REV3L: variants seen among roughly 807,000 people sequenced by gnomAD.
REV3L encodes REV3 like, DNA directed polymerase zeta catalytic subunit.
Under a neutral mutation model 299.4 loss-of-function variants are expected in REV3L, and 69 were observed. The ratio of observed to expected loss-of-function variants is 0.23; its 90% confidence interval spans 0.19 to 0.28. The LOEUF (loss-of-function observed/expected upper bound fraction) is 0.28. Ranked by LOEUF, REV3L falls within the 10% of genes least tolerant of loss-of-function variation. The pLI is 1.00. For synonymous variants in REV3L, 1,238 were observed against 1,271.4 expected, an observed-to-expected ratio of 0.97 and a Z score of 0.56; for missense variants, 3,128 against 3,693.8, an observed-to-expected ratio of 0.85 and a Z score of 3.97.
chr6:111,380,505 T>C (rs1016321893), intron 10 of REV3L, among the ~76,000 whole-genome samples: 2 of 152,180 alleles, frequency 1.3e-5, no homozygotes, highest in African/African-American at 4.8e-5. Context: ...GTGATCTGCC[T>C]GCCTCGGCCT....
In REV3L at chr6:111,367,184, T is replaced by C; in HGVS notation, c.6604A>G (p.Thr2202Ala). The change falls in exon 14 of 32, where the codon ACA (threonine) becomes GCA (alanine). Residue 2202 changes from threonine (T) to alanine (A), a missense_variant. Coordinates refer to ENST00000368802, the MANE Select transcript of REV3L (RefSeq NM_001372078.1). ...AGAAGTTTTCTCTGTATGATTGGTG[T>C]ACTATGAAAGCAAAGTGATTCACAT... ...GKCESLCFHS[T>A]PIIQRKLLER... The C allele has an allele frequency of 1.9e-6, 3 of 1,613,788 alleles. No individual in the cohort carries two copies. The highest frequency in any genetic ancestry group is 2.5e-6 in the Non-Finnish European group (3 of 1,179,876).
intron 26 of REV3L, among the ~76,000 whole-genome samples, chr6:111,316,240 A>G (rs1417454499): frequency 6.6e-6 from 1 of 151,298 alleles, no homozygotes; most frequent in Non-Finnish European, 1.5e-5. Flanking sequence ...AAAAAAAAAA[A>G]GGTTGGGGAC....
intron 2 of REV3L, among the ~76,000 whole-genome samples, chr6:111,414,103 AG>A (rs1377000386): frequency 6.6e-6 from 1 of 152,162 alleles, no homozygotes; most frequent in Non-Finnish European, 1.5e-5. Context: ...ATAAAAATTA[AG>A]TAAATAAATA....
At chr6:111,483,637 G>T, upstream of REV3L, 1 of 434,490 alleles carries the variant, frequency 2.3e-6, no homozygotes, top group Admixed American at 2.5e-5. Context: ...GAGGAGGCGG[G>T]GGCAGCCGCT....
At position 111,379,976 on chromosome 6, in the gene REV3L, A is replaced by C. The variant is rs1244774765; in HGVS notation, c.1454+6T>G. ...AATAAAACAACTGCAATAACTAAAA[A>C]ATTACCTCTTTTTGGCACAATGTTC... On this transcript the variant is annotated splice_donor_region_variant and intron_variant, in intron 11 of 31. Transcript: ENST00000368802. The C allele has an allele frequency of 1.3e-6, 2 of 1,570,450 alleles. No individual in the cohort carries two copies. The highest frequency in any genetic ancestry group is 2.3e-5 in the South Asian group (2 of 88,066).
At chr6:111,333,684 C>T (rs9384793) in intron 22 of REV3L, among the ~76,000 whole-genome samples, 2,362 of 152,076 alleles carry the variant, frequency 0.016, 39 homozygotes, top group East Asian at 0.075. Context: ...CCATGTTAGC[C>T]AGGCTGGTCT....
chr6:111,359,449 C>G (rs763781231), intron 16 of REV3L, among the ~76,000 whole-genome samples: 1 of 145,752 alleles, frequency 6.9e-6, no homozygotes, highest in Non-Finnish European at 1.5e-5. Context: ...AATTAATTCA[C>G]TACTACTTGA....
At chr6:111,315,680 C>T (rs571242995) in intron 26 of REV3L, 2 of 302,286 alleles carry the variant, frequency 6.6e-6, no homozygotes, top group South Asian at 4.8e-5. Flanking sequence ...TTGTATGGTA[C>T]ACAAGGGGTC....
chr6:111,324,950 C>G (rs552797520), intron 25 of REV3L, among the ~76,000 whole-genome samples: 2 of 151,768 alleles, frequency 1.3e-5, no homozygotes, highest in African/African-American at 2.4e-5. Context: ...CAACCTCTAC[C>G]TCCCGGGTTC....
intron 27 of REV3L, 38 bp downstream of exon 27, chr6:111,315,229 A>G (rs776623128): frequency 1.3e-6 from 2 of 1,482,792 alleles, no homozygotes; most frequent in East Asian, 4.7e-5. Context: ...AAGGTATATG[A>G]ATTTTATATG....
chr6:111,448,914 C>A (rs374305952), intron 1 of REV3L, among the ~76,000 whole-genome samples: 5 of 151,688 alleles, frequency 3.3e-5, no homozygotes, highest in African/African-American at 1.2e-4. Context: ...CTTCCTGCCC[C>A]GGCCTCCCAA....
intron 1 of REV3L, among the ~76,000 whole-genome samples, chr6:111,470,474 T>A (rs1792065626): frequency 6.6e-6 from 1 of 152,192 alleles, no homozygotes; most frequent in African/African-American, 2.4e-5. Context: ...CAGTCCTATT[T>A]TATAGAACTG....
intron 31 of REV3L, among the ~76,000 whole-genome samples, chr6:111,306,746 C>G (rs1772355794): frequency 6.6e-6 from 1 of 152,142 alleles, no homozygotes; most frequent in Non-Finnish European, 1.5e-5. Context: ...ATAAACCTTC[C>G]AAGTTTACTA....
intron 1 of REV3L, among the ~76,000 whole-genome samples, chr6:111,440,905 A>C (rs781018424): frequency 3.3e-5 from 5 of 152,204 alleles, no homozygotes; most frequent in Non-Finnish European, 7.3e-5. Context: ...TCAACACTTA[A>C]AACACTTCAC....
intron 9 of REV3L, 29 bp downstream of exon 9, chr6:111,387,736 T>A (rs369457329): frequency 8.4e-5 from 135 of 1,599,380 alleles, no homozygotes; most frequent in Non-Finnish European, 1.0e-4. Flanking sequence ...GTTCTAGTAG[T>A]TTCTGTATAC....
intron 1 of REV3L, among the ~76,000 whole-genome samples, chr6:111,443,274 G>A (rs766557292): frequency 6.6e-6 from 1 of 151,800 alleles, no homozygotes; most frequent in Non-Finnish European, 1.5e-5. Context: ...TCAGCCTTCC[G>A]AGTAGCTGGG....
intron 12 of REV3L, among the ~76,000 whole-genome samples, chr6:111,377,026 CTG>C (rs1167877354): frequency 6.6e-6 from 1 of 152,130 alleles, no homozygotes; most frequent in African/African-American, 2.4e-5. Flanking sequence ...GGGAAAAATA[CTG>C]TCACTTTAAA....
At chr6:111,307,215 T>C in intron 31 of REV3L, 146 bp downstream of exon 31, 1 of 671,064 alleles carries the variant, frequency 1.5e-6, no homozygotes, top group Non-Finnish European at 2.6e-6. Context: ...TATGATATTT[T>C]TGAGATTTTT....
intron 25 of REV3L, among the ~76,000 whole-genome samples, chr6:111,328,455 C>T (rs1040480923): frequency 6.6e-6 from 1 of 152,088 alleles, no homozygotes; most frequent in African/African-American, 2.4e-5. Flanking sequence ...CTTGTCAATA[C>T]ATAAAATGAA....
Sources: allele counts gnomAD v4.1 joint callset (sites outside exome capture counted in the v4.1 genomes callset), GRCh38; gene constraint gnomAD v4.1.1; transcripts MANE v1.5; gene names NCBI Gene and HGNC (gene_info 2026-07-23, HGNC 2026-07-21).